CACNA2D3: variants seen among roughly 807,000 people sequenced by gnomAD.
CACNA2D3 encodes the protein calcium voltage-gated channel auxiliary subunit alpha2delta 3.
CACNA2D3 carries 60 observed loss-of-function variants against 160.6 expected under a neutral mutation model. The ratio of observed to expected loss-of-function variants is 0.37; its 90% CI spans 0.30 to 0.46. CACNA2D3 has a LOEUF of 0.46. Ranked by LOEUF, CACNA2D3 falls within the 20% of genes least tolerant of loss-of-function variation. The pLI is 1.00. For missense variants in CACNA2D3, 1,205 were observed against 1,365.0 expected, an observed-to-expected ratio of 0.88 and a Z score of 1.85; for synonymous variants, 558 against 492.9, an observed-to-expected ratio of 1.13 and a Z score of -1.75.
intron 11 of CACNA2D3, among the ~76,000 whole-genome samples, chr3:54,743,122 A>G (rs1863858): frequency 0.16 from 24,582 of 152,246 alleles, 2,243 homozygotes; most frequent in Non-Finnish European, 0.2. Context: ...ATTTGTGAAA[A>G]GGATAGAAAA....
chr3:54,707,939 C>G (rs1033406942), intron 11 of CACNA2D3, among the ~76,000 whole-genome samples: 1 of 152,094 alleles, frequency 6.6e-6, no homozygotes, highest in Non-Finnish European at 1.5e-5. Context: ...GAGTTAGACC[C>G]CATTTATAAT....
chr3:54,971,124 A>T (rs954450471), intron 29 of CACNA2D3, among the ~76,000 whole-genome samples: 1 of 152,024 alleles, frequency 6.6e-6, no homozygotes, highest in Non-Finnish European at 1.5e-5. Flanking sequence ...AAAAAAAAAA[A>T]GCCAGTCAGC....
At chr3:54,896,700 T>G in intron 25 of CACNA2D3, 49 bp from the exon 26 acceptor site, 1 of 1,613,364 alleles carries the variant, frequency 6.2e-7, no homozygotes, top group Non-Finnish European at 8.5e-7. Context: ...CAGGCCCACC[T>G]TTACTCTGCT....
At chr3:54,964,045 A>G (rs1195717928) in intron 27 of CACNA2D3, among the ~76,000 whole-genome samples, 1 of 152,152 alleles carries the variant, frequency 6.6e-6, no homozygotes, top group Non-Finnish European at 1.5e-5. Context: ...TTTCACATGA[A>G]AGGATTCTGG....
At chr3:54,221,196 A>G (rs1701563105) in intron 2 of CACNA2D3, among the ~76,000 whole-genome samples, 1 of 152,212 alleles carries the variant, frequency 6.6e-6, no homozygotes, top group South Asian at 2.1e-4. Context: ...AGTGCTGAAG[A>G]TACAGTAATT....
intron 27 of CACNA2D3, among the ~76,000 whole-genome samples, chr3:54,940,685 T>A (rs77527625): frequency 0.023 from 3,459 of 152,292 alleles, 131 homozygotes; most frequent in African/African-American, 0.076. Context: ...AAGCAAACAA[T>A]AAGGCTGTTG....
chr3:54,123,306 A>AC (rs58508790), intron 1 of CACNA2D3, among the ~76,000 whole-genome samples: 49,526 of 150,516 alleles, frequency 0.33, 8,699 homozygotes, highest in East Asian at 0.57. Context: ...TAACTCCGCG[A>AC]CCCCCCTCGG....
At chr3:54,890,836 T>G (rs576083828) in intron 24 of CACNA2D3, among the ~76,000 whole-genome samples, 15 of 152,332 alleles carry the variant, frequency 9.8e-5, no homozygotes, top group African/African-American at 3.4e-4. Context: ...TGTGTGGATG[T>G]CAAAACCAAT....
intron 2 of CACNA2D3, among the ~76,000 whole-genome samples, chr3:54,183,892 GAAAAAA>G (rs58956795): frequency 8.7e-5 from 7 of 80,754 alleles, no homozygotes; most frequent in African/African-American, 2.5e-4. Flanking sequence ...TCTCAAAAAA[GAAAAAA>G]AAAAAAAAAA....
intron 4 of CACNA2D3, among the ~76,000 whole-genome samples, chr3:54,495,827 A>C (rs1035767323): frequency 2.0e-5 from 3 of 151,678 alleles, no homozygotes; most frequent in East Asian, 1.9e-4. Flanking sequence ...GTTGACTCTC[A>C]CTCTCCCTCT....
At chr3:54,911,237 T>G (rs1269480252) in intron 27 of CACNA2D3, among the ~76,000 whole-genome samples, 1 of 152,124 alleles carries the variant, frequency 6.6e-6, no homozygotes, top group Non-Finnish European at 1.5e-5. Flanking sequence ...AAGTGTCATT[T>G]ATTTTTTACA....
intron 2 of CACNA2D3, among the ~76,000 whole-genome samples, chr3:54,293,768 A>G (rs111379546): frequency 3.3e-5 from 5 of 152,154 alleles, no homozygotes; most frequent in African/African-American, 1.2e-4. Context: ...CAGAGAATAG[A>G]TCTGTGGTTG....
At chr3:54,849,250 A>G (rs1183513070) in intron 17 of CACNA2D3, among the ~76,000 whole-genome samples, 1 of 152,204 alleles carries the variant, frequency 6.6e-6, no homozygotes. Context: ...AAAGGTAGCA[A>G]TAAGAATAAT....
intron 3 of CACNA2D3, among the ~76,000 whole-genome samples, chr3:54,383,959 A>G (rs1699147088): frequency 6.6e-6 from 1 of 152,220 alleles, no homozygotes; most frequent in Non-Finnish European, 1.5e-5. Flanking sequence ...ATGACTGTAC[A>G]GTATACATAT....
chr3:54,816,292 C>G (rs942355626), intron 13 of CACNA2D3, among the ~76,000 whole-genome samples: 1 of 152,172 alleles, frequency 6.6e-6, no homozygotes, highest in Admixed American at 6.5e-5. Context: ...CCTTTATATA[C>G]AGCAGGGTTT....
At chr3:54,413,070 G>A (rs2106731985) in intron 4 of CACNA2D3, among the ~76,000 whole-genome samples, 1 of 151,610 alleles carries the variant, frequency 6.6e-6, no homozygotes, top group Admixed American at 6.6e-5. Flanking sequence ...TTTTTGCTTT[G>A]CAAGTCTGGT....
At chr3:54,543,507 GA>G (rs1702015463) in intron 5 of CACNA2D3, among the ~76,000 whole-genome samples, 1 of 152,184 alleles carries the variant, frequency 6.6e-6, no homozygotes, top group Admixed American at 6.5e-5. Flanking sequence ...CCTCCAAAAA[GA>G]GCTGTATGTC....
rs1704910079 is a variant in CACNA2D3, at chr3:55,074,517, A to C, written c.*311A>C. 1 of 277,520 alleles carries C rather than the reference A, an allele frequency of 3.6e-6. No homozygotes were observed. Among genetic ancestry groups the C allele is most frequent in the African/African-American group, 2.2e-5 (1 of 45,198 alleles). 17.2% of individuals were successfully genotyped at this position (277,520 alleles called of 1,614,324 possible). A position where few individuals can be genotyped will look rare whatever the true frequency, so the allele number is the denominator to read the frequency against. On this transcript the variant is annotated 3_prime_UTR_variant, in exon 38 of 38. Coordinates refer to ENST00000474759, the MANE Select transcript of CACNA2D3 (RefSeq NM_018398.3). ...GCTTGAAACCTATTGAAACCAATTT[A>C]AAACTGTGTACTTTTTAAATAAAGT...
chr3:54,580,698 G>A (rs547821164), intron 8 of CACNA2D3, among the ~76,000 whole-genome samples: 1 of 152,326 alleles, frequency 6.6e-6, no homozygotes, highest in African/African-American at 2.4e-5. Context: ...CTAATGGTGT[G>A]GTCCCACTTT....
Sources: gnomAD v4.1 joint callset for allele counts (sites outside exome capture counted in the v4.1 genomes callset) on GRCh38, gnomAD v4.1.1 for gene constraint, MANE v1.5 for transcripts, NCBI Gene and HGNC (gene_info 2026-07-23, HGNC 2026-07-21) for gene names.